The following MAML2 variants were observed in gnomAD, a reference collection of about 807,000 sequenced individuals.
MAML2 encodes the protein mastermind-like protein 2.
Under a neutral mutation model 96.1 loss-of-function variants are expected in MAML2, and 22 were observed. The observed-to-expected ratio is 0.23, with a 90% confidence interval of 0.16 to 0.33. The LOEUF is 0.33. Ranked by LOEUF, MAML2 falls within the 10% of genes least tolerant of loss-of-function variation. MAML2 has a pLI of 1.00. For synonymous variants in MAML2, 561 were observed against 521.3 expected, an observed-to-expected ratio of 1.08 and a Z score of -1.04; for missense variants, 1,367 against 1,392.4, an observed-to-expected ratio of 0.98 and a Z score of 0.29.
intron 1 of MAML2, among the ~76,000 whole-genome samples, chr11:96,214,244 G>A (rs1862016179): frequency 6.6e-6 from 1 of 152,156 alleles, no homozygotes; most frequent in African/African-American, 2.4e-5. Context: ...TAGGTCTTTT[G>A]AGGCCATGCC....
At chr11:96,119,531 G>A (rs1224933013) in intron 1 of MAML2, among the ~76,000 whole-genome samples, 1 of 152,234 alleles carries the variant, frequency 6.6e-6, no homozygotes, top group Non-Finnish European at 1.5e-5. Context: ...GAAGTGTAAT[G>A]TGATGTATTT....
At chr11:96,065,623 T>A (rs1859232345) in intron 2 of MAML2, among the ~76,000 whole-genome samples, 1 of 152,256 alleles carries the variant, frequency 6.6e-6, no homozygotes. Flanking sequence ...GTGACCTTTT[T>A]ATATGCCAGG....
chr11:96,188,418 G>C (rs957078118), intron 1 of MAML2, among the ~76,000 whole-genome samples: 5 of 152,146 alleles, frequency 3.3e-5, no homozygotes, highest in African/African-American at 4.8e-5. Context: ...CTGGGGCTGT[G>C]ACTGTAGAGT....
In MAML2 at chr11:95,977,500, TTGA is replaced by T. The variant is rs1215566982; in HGVS notation, c.*1445_*1447del. On this transcript the variant is annotated 3_prime_UTR_variant, in exon 5 of 5. Transcript: ENST00000524717. ...TTAAATAACTTCAGCTAAATTACATTTGATATTTGAATATGTGAGCATAGAACT... is the reference window on the plus strand; with the variant it reads ...TTAAATAACTTCAGCTAAATTACATTTATTTGAATATGTGAGCATAGAACT... 1 of 195,240 alleles carries T rather than the reference TTGA, an allele frequency of 5.1e-6. No individual in the cohort carries two copies. Among genetic ancestry groups the T allele is most frequent in the African/African-American group, 2.3e-5 (1 of 43,270 alleles). 12.1% of individuals were successfully genotyped at this position (195,240 alleles called of 1,614,324 possible). A position where few individuals can be genotyped will look rare whatever the true frequency, so the allele number is the denominator to read the frequency against.
intron 2 of MAML2, among the ~76,000 whole-genome samples, chr11:96,065,415 G>GCACACACACACACACA (rs35035966): frequency 6.7e-6 from 1 of 149,462 alleles, no homozygotes; most frequent in Non-Finnish European, 1.5e-5. Context: ...GTGCGTGCAT[G>GCACACACACACACACA]CACACACACA....
At chr11:96,031,503 T>C (rs1485203085) in intron 2 of MAML2, among the ~76,000 whole-genome samples, 1 of 152,196 alleles carries the variant, frequency 6.6e-6, no homozygotes, top group Non-Finnish European at 1.5e-5. Flanking sequence ...GAAAAGAGTA[T>C]TCCTTAACAT....
At chr11:96,020,302 C>T (rs1858417057) in intron 2 of MAML2, among the ~76,000 whole-genome samples, 2 of 152,190 alleles carry the variant, frequency 1.3e-5, no homozygotes, top group Admixed American at 1.3e-4. Flanking sequence ...CTCTTCTGCC[C>T]AGGACTCTAT....
Position 95,978,957 on chromosome 11 carries a change from G to C in MAML2, c.3462C>G (p.Asn1154Lys). The change falls in exon 5 of 5, where the codon AAC becomes AAG. Residue 1154 changes from asparagine (N) to lysine (K), a missense_variant. Physicochemically the swap from Asn to Lys is moderately conservative, Grantham distance 94. Coordinates refer to ENST00000524717, the MANE Select transcript of MAML2 (RefSeq NM_032427.4). ...GTCTTCCCTTTCTTCTTTAGGAATT[G>C]TTCCCCAAGATTTCATCAAGATTGA... is the stretch of plus-strand genomic sequence containing the variant. ...KDINLDEILG[N>K]NS 6.2e-7 allele frequency: 1 copy of C among 1,605,612 alleles called. No individual in the cohort carries two copies. Among genetic ancestry groups the C allele is most frequent in the Non-Finnish European group, 8.5e-7 (1 of 1,176,114 alleles).
At chr11:96,206,734 C>T (rs1861901338) in intron 1 of MAML2, among the ~76,000 whole-genome samples, 1 of 152,144 alleles carries the variant, frequency 6.6e-6, no homozygotes, top group African/African-American at 2.4e-5. Flanking sequence ...AAAGTCCACA[C>T]ATAAAGTCAA....
chr11:96,123,074 A>T (rs1023333277), intron 1 of MAML2, among the ~76,000 whole-genome samples: 1 of 152,196 alleles, frequency 6.6e-6, no homozygotes, highest in African/African-American at 2.4e-5. Flanking sequence ...GCACAGGACA[A>T]TCAAGGAAGG....
chr11:96,340,980 G>A (rs1406351427), intron 1 of MAML2, among the ~76,000 whole-genome samples: 1 of 152,172 alleles, frequency 6.6e-6, no homozygotes, highest in Non-Finnish European at 1.5e-5. Flanking sequence ...CAGCTGGGCT[G>A]ATAAATGCTT....
At position 96,341,637 on chromosome 11, in the gene MAML2, T is replaced by C. The variant is rs1357394744; in HGVS notation, c.259A>G (p.Arg87Gly). The C allele has an allele frequency of 1.3e-6, 2 of 1,556,324 alleles. No individual in the cohort carries two copies. Among genetic ancestry groups the C allele is most frequent in the Non-Finnish European group, 1.7e-6 (2 of 1,149,374 alleles). ...LSLVQHGQGA[R>G]KAGKHTKATA... ...GCCTTGGTGTGTTTGCCAGCTTTCC[T>C]TGCCCCCTGGCCATGCTGTACAAGG... Residue 87 changes from arginine to glycine, a missense_variant, in exon 1 of 5, where the codon AGG (arginine) becomes GGG (glycine). Transcript: ENST00000524717.
intron 1 of MAML2, among the ~76,000 whole-genome samples, chr11:96,129,563 G>C (rs1157908248): frequency 6.6e-6 from 1 of 152,174 alleles, no homozygotes; most frequent in Non-Finnish European, 1.5e-5. Context: ...ATCCAAATAG[G>C]GGGAGGGGTG....
At chr11:96,262,973 T>C (rs939631655) in intron 1 of MAML2, among the ~76,000 whole-genome samples, 2 of 152,214 alleles carry the variant, frequency 1.3e-5, no homozygotes, top group African/African-American at 4.8e-5. Context: ...CAAGATTTGA[T>C]AGTAATCATT....
intron 1 of MAML2, among the ~76,000 whole-genome samples, chr11:96,315,925 G>A (rs1863625933): frequency 1.3e-5 from 2 of 152,156 alleles, no homozygotes; most frequent in Non-Finnish European, 2.9e-5. Context: ...AAGCCATTAA[G>A]GTAGCCAAAA....
At chr11:96,156,841 C>T (rs1034278181) in intron 1 of MAML2, among the ~76,000 whole-genome samples, 2 of 152,154 alleles carry the variant, frequency 1.3e-5, no homozygotes, top group Non-Finnish European at 2.9e-5. Flanking sequence ...AATGTTTCAT[C>T]TCTGAGATGG....
At chr11:96,034,281 T>C (rs1858664198) in intron 2 of MAML2, among the ~76,000 whole-genome samples, 1 of 152,214 alleles carries the variant, frequency 6.6e-6, no homozygotes, top group South Asian at 2.1e-4. Context: ...CTGGGTTTTA[T>C]ACTGTTTGTA....
chr11:96,129,423 G>A (rs1168667004), intron 1 of MAML2, among the ~76,000 whole-genome samples: 2 of 152,122 alleles, frequency 1.3e-5, no homozygotes, highest in Non-Finnish European at 2.9e-5. Context: ...TGCTGATGCT[G>A]CTCATCCAGG....
intron 2 of MAML2, among the ~76,000 whole-genome samples, chr11:96,035,970 T>C (rs1317316872): frequency 6.6e-6 from 1 of 152,142 alleles, no homozygotes; most frequent in Non-Finnish European, 1.5e-5. Flanking sequence ...AGGGATTAAA[T>C]GTGAAAATGG....
Sources: gnomAD v4.1 joint callset for allele counts (sites outside exome capture counted in the v4.1 genomes callset) on GRCh38, gnomAD v4.1.1 for gene constraint, MANE v1.5 for transcripts, NCBI Gene and HGNC (gene_info 2026-07-23, HGNC 2026-07-21) for gene names.